Variants in ZMAT4 observed in about 807,000 individuals in gnomAD.
The protein encoded by ZMAT4 is zinc finger matrin-type protein 4.
A neutral mutation model predicts 28.7 loss-of-function variants in ZMAT4; 17 were observed. The observed-to-expected ratio is 0.59, with a 90% CI of 0.41 to 0.89. The LOEUF is 0.89. ZMAT4 is among the 40% of genes least tolerant of loss of function. The probability of loss-of-function intolerance (pLI) is 0.00; values close to 1 mark genes in which losing one functional copy is unlikely to be tolerated. For synonymous variants in ZMAT4, 117 were observed against 109.2 expected, an observed-to-expected ratio of 1.07 and a Z score of -0.44; for missense variants, 240 against 283.8, an observed-to-expected ratio of 0.85 and a Z score of 1.11.
intron 5 of ZMAT4, among the ~76,000 whole-genome samples, chr8:40,635,063 T>C (rs1290854689): frequency 2.0e-5 from 3 of 152,122 alleles, no homozygotes; most frequent in African/African-American, 7.2e-5. Flanking sequence ...AGCAATTTCC[T>C]GGGGATCTAT....
intron 1 of ZMAT4, among the ~76,000 whole-genome samples, chr8:40,881,553 AGAAAGAAAG>A (rs1389960355): frequency 2.5e-4 from 22 of 86,288 alleles, no homozygotes; most frequent in Non-Finnish European, 1.0e-4. Flanking sequence ...AAAGAAAGAA[AGAAAGAAAG>A]AAAGAAAGAA....
At chr8:40,841,360 C>A (rs1255470351) in intron 1 of ZMAT4, among the ~76,000 whole-genome samples, 3 of 152,180 alleles carry the variant, frequency 2.0e-5, no homozygotes, top group Non-Finnish European at 4.4e-5. Context: ...GCACGACCAA[C>A]CAATCCCAGC....
chr8:40,697,523 C>CTCTT (rs1809946240), intron 3 of ZMAT4, 122 bp from the exon 4 acceptor site: 1 of 1,099,428 alleles, frequency 9.1e-7, no homozygotes. Flanking sequence ...AGCTGTCTCT[C>CTCTT]TCTCTTTTTG....
chr8:40,553,925 C>T (rs968330102), intron 6 of ZMAT4, among the ~76,000 whole-genome samples: 1 of 152,170 alleles, frequency 6.6e-6, no homozygotes, highest in African/African-American at 2.4e-5. Flanking sequence ...TCCAATGATA[C>T]AGCTCTTGAT....
At chr8:40,837,618 C>A (rs558878428) in intron 1 of ZMAT4, among the ~76,000 whole-genome samples, 3 of 152,246 alleles carry the variant, frequency 2.0e-5, no homozygotes, top group East Asian at 1.9e-4. Context: ...GTCCAGAGAC[C>A]AAACCTAATC....
Position 40,674,752 on chromosome 8 carries a change from C to A in ZMAT4, c.529G>T (p.Ala177Ser), listed in dbSNP as rs1808835866. The A allele has an allele frequency of 6.2e-7, 1 of 1,613,994 alleles. No homozygotes were observed. Among genetic ancestry groups the A allele is most frequent in the Non-Finnish European group, 8.5e-7 (1 of 1,179,918 alleles). The change falls in exon 5 of 7, where the codon GCT becomes TCT. Residue 177 changes from alanine (A) to serine (S), a missense_variant. Coordinates refer to ENST00000297737, the MANE Select transcript of ZMAT4 (RefSeq NM_024645.3). ...KKHKKNAARV[A>S]LLEQLGTTLD... ...GTTGTCCCCAGTTGTTCTAACAAAG[C>A]AACTCTTGCCGCATTCTTTTTGTGT...
intron 2 of ZMAT4, among the ~76,000 whole-genome samples, chr8:40,772,569 T>C (rs1362830986): frequency 6.6e-6 from 1 of 152,228 alleles, no homozygotes; most frequent in Non-Finnish European, 1.5e-5. Flanking sequence ...ACCTTGTATT[T>C]GCATAATGCT....
chr8:40,741,838 G>C (rs1173002779), intron 3 of ZMAT4, among the ~76,000 whole-genome samples: 1 of 151,922 alleles, frequency 6.6e-6, no homozygotes, highest in Non-Finnish European at 1.5e-5. Context: ...GTAAGAGATT[G>C]GTTAAATATA....
intron 3 of ZMAT4, among the ~76,000 whole-genome samples, chr8:40,735,365 T>G (rs1485616195): frequency 1.3e-5 from 2 of 152,186 alleles, no homozygotes; most frequent in African/African-American, 4.8e-5. Context: ...TTTCTCTTTA[T>G]AGGACAAGAC....
At chr8:40,896,216 T>A (rs1818872963) in intron 1 of ZMAT4, among the ~76,000 whole-genome samples, 1 of 152,014 alleles carries the variant, frequency 6.6e-6, no homozygotes, top group South Asian at 2.1e-4. Context: ...GTGGAAGGGA[T>A]TTGTGGAGCT....
intron 4 of ZMAT4, chr8:40,690,917 C>A: frequency 1.0e-6 from 1 of 985,054 alleles, no homozygotes; most frequent in Non-Finnish European, 1.2e-6. Context: ...ATTGCTTATC[C>A]GTTGCTTTTC....
intron 3 of ZMAT4, among the ~76,000 whole-genome samples, chr8:40,726,584 G>A (rs905084885): frequency 6.6e-6 from 1 of 152,198 alleles, no homozygotes; most frequent in Non-Finnish European, 1.5e-5. Context: ...GCTATAGTTG[G>A]ACTGAATGTA....
At chr8:40,583,826 C>T (rs1268855770) in intron 5 of ZMAT4, among the ~76,000 whole-genome samples, 1 of 152,156 alleles carries the variant, frequency 6.6e-6, no homozygotes, top group Non-Finnish European at 1.5e-5. Flanking sequence ...CAAAAGGCTG[C>T]ATTCTTTTGA....
chr8:40,781,431 T>A (rs1353460873), intron 2 of ZMAT4, among the ~76,000 whole-genome samples: 1 of 152,038 alleles, frequency 6.6e-6, no homozygotes, highest in Admixed American at 6.5e-5. Flanking sequence ...GGTACCGGCA[T>A]AAAGATGGAT....
chr8:40,613,180 C>CTTTTTTTT (rs34687121), intron 5 of ZMAT4, among the ~76,000 whole-genome samples: 7 of 79,972 alleles, frequency 8.8e-5, no homozygotes, highest in Admixed American at 2.0e-4. Context: ...TACTTTCTTT[C>CTTTTTTTT]TTTTTTTTTT....
intron 5 of ZMAT4, among the ~76,000 whole-genome samples, chr8:40,653,028 A>G (rs965243790): frequency 4.6e-5 from 7 of 151,964 alleles, no homozygotes; most frequent in Admixed American, 2.0e-4. Flanking sequence ...GCACATGTAT[A>G]CATATGTAAC....
chr8:40,533,723 G>A (rs1020499187), intron 6 of ZMAT4, among the ~76,000 whole-genome samples: 1 of 152,318 alleles, frequency 6.6e-6, no homozygotes, highest in Admixed American at 6.5e-5. Flanking sequence ...TTTAAAAATA[G>A]CTTTGAAATG....
chr8:40,690,975 G>T (rs1186813215), intron 4 of ZMAT4: 2 of 963,462 alleles, frequency 2.1e-6, no homozygotes, highest in East Asian at 1.2e-4. Context: ...GATTTAAAGT[G>T]TATAAATATC....
intron 1 of ZMAT4, among the ~76,000 whole-genome samples, chr8:40,867,188 C>T (rs1036664648): frequency 2.0e-5 from 3 of 152,102 alleles, no homozygotes; most frequent in African/African-American, 7.2e-5. Context: ...TTTCTTGGGC[C>T]ACATTGGAAG....
Sources: gnomAD v4.1 joint callset for allele counts (sites outside exome capture counted in the v4.1 genomes callset) on GRCh38, gnomAD v4.1.1 for gene constraint, MANE v1.5 for transcripts, NCBI Gene and HGNC (gene_info 2026-07-23, HGNC 2026-07-21) for gene names.